ATP2B2: variants seen among roughly 807,000 people sequenced by gnomAD.
The protein encoded by ATP2B2 is ATPase plasma membrane Ca2+ transporting 2, also known as plasma membrane calcium-transporting ATPase 2.
In ATP2B2, 15 loss-of-function variants were observed where a neutral mutation model predicts 120.0. The observed-to-expected ratio is 0.12, with a 90% confidence interval of 0.08 to 0.19. The LOEUF (loss-of-function observed/expected upper bound fraction) is 0.19. ATP2B2 is among the 10% of genes least tolerant of loss of function. The pLI is 1.00. For synonymous variants in ATP2B2, 694 were observed against 700.3 expected (o/e 0.99, Z 0.14); for missense variants, 1,045 against 1,719.8 (o/e 0.61, Z 6.94).
chr3:10,549,938 T>A (rs2067633343), intron 2 of ATP2B2, among the ~76,000 whole-genome samples: 1 of 152,242 alleles, frequency 6.6e-6, no homozygotes, highest in African/African-American at 2.4e-5. Flanking sequence ...GGGAGCCACA[T>A]GGCTCAGAGA....
intron 1 of ATP2B2, among the ~76,000 whole-genome samples, chr3:10,464,089 TG>T (rs2064623407): frequency 6.6e-6 from 1 of 152,084 alleles, no homozygotes; most frequent in Non-Finnish European, 1.5e-5. Context: ...AGTGTGACCA[TG>T]GGGGGGCCTG....
intron 1 of ATP2B2, among the ~76,000 whole-genome samples, chr3:10,479,563 T>A (rs1467447396): frequency 6.6e-6 from 1 of 152,050 alleles, no homozygotes; most frequent in East Asian, 1.9e-4. Flanking sequence ...ATAAGAACCC[T>A]TATCACCACC....
chr3:10,537,017 A>T (rs545408608), intron 2 of ATP2B2, among the ~76,000 whole-genome samples: 1 of 152,020 alleles, frequency 6.6e-6, no homozygotes, highest in South Asian at 2.1e-4. Flanking sequence ...ACTCCATTGA[A>T]TTGCTTTTGT....
chr3:10,416,719 G>A (rs980610351), intron 2 of ATP2B2, among the ~76,000 whole-genome samples: 15 of 152,118 alleles, frequency 9.9e-5, no homozygotes, highest in African/African-American at 3.1e-4. Context: ...GGTACAAGGA[G>A]GGGCCTCTGG....
chr3:10,481,539 CTATTT>C (rs1019897592), intron 1 of ATP2B2, among the ~76,000 whole-genome samples: 2 of 152,096 alleles, frequency 1.3e-5, no homozygotes, highest in African/African-American at 4.8e-5. Context: ...CTGCTATATT[CTATTT>C]TATTTTATTA....
intron 1 of ATP2B2, among the ~76,000 whole-genome samples, chr3:10,488,937 C>G (rs2065833292): frequency 6.6e-6 from 1 of 152,174 alleles, no homozygotes; most frequent in African/African-American, 2.4e-5. Context: ...AGCCAGGGTC[C>G]CTGTGATGGC....
intron 22 of ATP2B2, among the ~76,000 whole-genome samples, chr3:10,335,558 G>A (rs1227438030): frequency 6.6e-6 from 1 of 152,158 alleles, no homozygotes; most frequent in African/African-American, 2.4e-5. Flanking sequence ...TACTGTGGGT[G>A]CCCCCTGACC....
At chr3:10,341,416 T>G (rs935537698) in intron 19 of ATP2B2, among the ~76,000 whole-genome samples, 1 of 152,200 alleles carries the variant, frequency 6.6e-6, no homozygotes, top group Non-Finnish European at 1.5e-5. Context: ...GTTCAAGTGA[T>G]TCTCCTGCTT....
At chr3:10,381,479 C>T (rs1395745485) in intron 8 of ATP2B2, among the ~76,000 whole-genome samples, 1 of 152,226 alleles carries the variant, frequency 6.6e-6, no homozygotes, top group Non-Finnish European at 1.5e-5. Context: ...CCAGCTAGCA[C>T]TTTCCTCTTT....
intron 11 of ATP2B2, among the ~76,000 whole-genome samples, chr3:10,374,440 A>G (rs1466977893): frequency 2.0e-5 from 3 of 152,252 alleles, no homozygotes; most frequent in African/African-American, 7.2e-5. Context: ...CGGAGAGCCC[A>G]GCCCAAATTC....
intron 16 of ATP2B2, among the ~76,000 whole-genome samples, chr3:10,349,316 A>C (rs866532099): frequency 1.3e-5 from 2 of 152,166 alleles, no homozygotes; most frequent in African/African-American, 2.4e-5. Context: ...TTATCCAGGC[A>C]CGTTGACACA....
intron 2 of ATP2B2, among the ~76,000 whole-genome samples, chr3:10,431,734 C>T (rs890565870): frequency 6.6e-6 from 1 of 150,836 alleles, no homozygotes; most frequent in African/African-American, 2.5e-5. Flanking sequence ...GAAACATCTA[C>T]TGAATGAATA....
intron 5 of ATP2B2, among the ~76,000 whole-genome samples, chr3:10,391,701 C>T (rs1241589960): frequency 6.6e-6 from 1 of 152,120 alleles, no homozygotes; most frequent in Non-Finnish European, 1.5e-5. Flanking sequence ...GGGGCATCTA[C>T]AATCCCCAGT....
rs972070628 is a variant in ATP2B2, at chr3:10,447,539, G to A, written c.199+1806C>T. Among the ~76,000 whole-genome samples, 3 of 152,360 alleles carry A rather than the reference G, an allele frequency of 2.0e-5. No individual in the cohort carries two copies. The South Asian group carries it at 6.2e-4, about 32-fold the overall frequency. On this transcript the variant is annotated intron_variant, in intron 2 of 22. Coordinates refer to ENST00000360273, the MANE Select transcript of ATP2B2 (RefSeq NM_001001331.4). ...GAGAGAGGGGCCACAGTGCCCATCA[G>A]CTTCTCCCCAGGGACTGGGGCTGAG...
At chr3:10,441,263 TGTTTTTTTTGAGACAGA>T (rs1429422022) in intron 2 of ATP2B2, among the ~76,000 whole-genome samples, 2 of 152,146 alleles carry the variant, frequency 1.3e-5, no homozygotes, top group African/African-American at 4.8e-5. Context: ...CCTGTCTTTT[TGTTTTTTTTGAGACAGA>T]GTCTCACTCT....
chr3:10,577,765 G>A (rs1322936523), intron 2 of ATP2B2, among the ~76,000 whole-genome samples: 2 of 152,188 alleles, frequency 1.3e-5, no homozygotes, highest in South Asian at 2.1e-4. Flanking sequence ...CAGGGTTACC[G>A]GGGAACCTGG....
chr3:10,397,977 TC>T (rs145489547), intron 5 of ATP2B2, among the ~76,000 whole-genome samples: 3,859 of 152,276 alleles, frequency 0.025, 112 homozygotes, highest in East Asian at 0.075. Flanking sequence ...TGAGCCACAC[TC>T]CTTTGCCCTG....
intron 1 of ATP2B2, among the ~76,000 whole-genome samples, chr3:10,677,413 G>T (rs920481539): frequency 6.6e-6 from 1 of 152,124 alleles, no homozygotes; most frequent in Admixed American, 6.6e-5. Context: ...GGGAAGGGAG[G>T]GATGGATAGG....
chr3:10,382,109 T>C (rs113786847), intron 8 of ATP2B2, among the ~76,000 whole-genome samples: 3 of 152,030 alleles, frequency 2.0e-5, no homozygotes, highest in African/African-American at 7.3e-5. Context: ...CACTGCAACG[T>C]TGAACTCCTG....
Sources: allele counts gnomAD v4.1 joint callset (sites outside exome capture counted in the v4.1 genomes callset), GRCh38; gene constraint gnomAD v4.1.1; transcripts MANE v1.5; gene names NCBI Gene and HGNC (gene_info 2026-07-23, HGNC 2026-07-21).